Variants in COL1A2 observed in about 807,000 individuals in gnomAD.
The protein encoded by COL1A2 is collagen alpha-2(I) chain.
A neutral mutation model predicts 174.3 loss-of-function variants in COL1A2; 49 were observed. The ratio of observed to expected loss-of-function variants is 0.28; its 90% CI spans 0.22 to 0.36. COL1A2 has a LOEUF of 0.36. COL1A2 is among the 10% of genes least tolerant of loss of function. The probability of loss-of-function intolerance (pLI) is 1.00; values close to 1 mark genes in which losing one functional copy is unlikely to be tolerated. For missense variants in COL1A2, 1,438 were observed against 1,822.7 expected (o/e 0.79, Z 3.84); for synonymous variants, 655 against 606.6 (o/e 1.08, Z -1.17).
chr7:94,395,172 A>C, intron 1 of COL1A2, 71 bp downstream of exon 1: 1 of 1,300,656 alleles, frequency 7.7e-7, no homozygotes, highest in Non-Finnish European at 1.1e-6. Context: ...TGCCCTGAAA[A>C]GGAAAACCTG....
At position 94,429,175 on chromosome 7, in the gene COL1A2, C is replaced by A; in HGVS notation, c.3712-13C>A. 6.2e-7 allele frequency: 1 copy of A among 1,603,420 alleles called. No homozygotes were observed. Among genetic ancestry groups the A allele is most frequent in the South Asian group, 1.1e-5 (1 of 90,630 alleles). On this transcript the variant is annotated splice_polypyrimidine_tract_variant and intron_variant, in intron 50 of 51. Transcript: ENST00000297268. ...TTCTCCACTTAACTGGAATTTCATC[C>A]TATTTTCTGTAGTTTGAATATAATG...
chr7:94,415,821 T>C (rs1792029510), intron 30 of COL1A2, among the ~76,000 whole-genome samples: 1 of 152,176 alleles, frequency 6.6e-6, no homozygotes, highest in Admixed American at 6.5e-5. Flanking sequence ...CGTGGACCTA[T>C]GTGATAAATA....
chr7:94,426,784 A>C (rs753267529), intron 46 of COL1A2: 1 of 627,040 alleles, frequency 1.6e-6, no homozygotes, highest in Non-Finnish European at 2.8e-6. Flanking sequence ...ACTTAAAATA[A>C]ACATAATTAG....
intron 4 of COL1A2, among the ~76,000 whole-genome samples, chr7:94,399,290 G>C (rs145118345): frequency 9.1e-4 from 139 of 152,212 alleles, no homozygotes; most frequent in African/African-American, 3.2e-3. Flanking sequence ...CGTTAAAAAA[G>C]AAAAACTGTT....
At chr7:94,413,856 T>C (rs768748703) in intron 27 of COL1A2, 38 bp from the exon 28 acceptor site, 15 of 1,612,518 alleles carry the variant, frequency 9.3e-6, no homozygotes, top group East Asian at 2.2e-5. Flanking sequence ...AGTGGTGACA[T>C]ACGTTGCTAT....
intron 5 of COL1A2, 141 bp downstream of exon 5, chr7:94,400,429 C>T: frequency 1.2e-6 from 1 of 818,440 alleles, no homozygotes; most frequent in Non-Finnish European, 2.0e-6. Flanking sequence ...GGTTTTTTCA[C>T]TCAAGATTCT....
At chr7:94,399,220 G>A in intron 4 of COL1A2, 136 bp downstream of exon 4, 1 of 731,176 alleles carries the variant, frequency 1.4e-6, no homozygotes, top group South Asian at 1.9e-5. Context: ...GTAATGCACT[G>A]CAGAAGAAGC....
chr7:94,407,366 TG>T (rs1469693454), intron 12 of COL1A2, among the ~76,000 whole-genome samples: 1 of 84,318 alleles, frequency 1.2e-5, no homozygotes, highest in African/African-American at 5.0e-5. Flanking sequence ...ACTACTACCC[TG>T]GTTTTTACTC....
At position 94,424,339 on chromosome 7, in the gene COL1A2, C is replaced by A. The variant is rs150179964; in HGVS notation, c.2569C>A (p.Pro857Thr). The A allele has an allele frequency of 3.3e-5, 54 of 1,613,738 alleles. No individual in the cohort carries two copies. In the East Asian group the frequency reaches 1.2e-3, roughly 36 times the overall value. The change falls in exon 41 of 52, where the codon CCT becomes ACT. Residue 857 changes from proline (P) to threonine (T), a missense_variant. By Grantham distance (38) the Pro-to-Thr change is conservative. Transcript: ENST00000297268. ...TCAGTATTTTTTCTCTATTTAGGGACCTCCTGGCACTCCAGGTCCTCAGGG... is the reference window on the plus strand; with the variant it reads ...TCAGTATTTTTTCTCTATTTAGGGAACTCCTGGCACTCCAGGTCCTCAGGG... ...GPSGEAGTAG[P>T]PGTPGPQGLL...
intron 1 of COL1A2, among the ~76,000 whole-genome samples, chr7:94,396,308 G>A (rs913403904): frequency 9.1e-6 from 1 of 109,396 alleles, no homozygotes; most frequent in African/African-American, 3.6e-5. Flanking sequence ...TAATGCATTT[G>A]TGTGCTTGTG....
chr7:94,398,293 A>G (rs1248873844), intron 2 of COL1A2, 89 bp from the exon 3 acceptor site: 2 of 429,502 alleles, frequency 4.7e-6, no homozygotes, highest in Non-Finnish European at 8.2e-6. Flanking sequence ...TTGTGAAGGT[A>G]TATTTGTATA....
At chr7:94,402,258 C>T (rs2115867793) in intron 6 of COL1A2, among the ~76,000 whole-genome samples, 1 of 152,190 alleles carries the variant, frequency 6.6e-6, no homozygotes, top group Admixed American at 6.5e-5. Context: ...CAGATGCCTT[C>T]AATGGGCCCT....
intron 1 of COL1A2, among the ~76,000 whole-genome samples, chr7:94,397,224 G>A (rs1445750040): frequency 1.3e-5 from 2 of 152,026 alleles, no homozygotes; most frequent in South Asian, 2.1e-4. Context: ...ACTCAATGAA[G>A]TACTAGGTAA....
rs1409128494 is a variant in COL1A2, at chr7:94,427,656, A to C, written c.3297A>C (p.Gly1099=). The C allele has an allele frequency of 1.9e-6, 3 of 1,613,972 alleles. No homozygotes were observed. Among genetic ancestry groups the C allele is most frequent in the Middle Eastern group, 1.7e-4 (1 of 6,060 alleles). ...CCCCTGGTCCCCCTGGCCCTCCTGG[A>C]CCTCCAGGTGTAAGCGGTGGTGGTT... ...AGPPGPPGPP[G]PPGVSGGGYD... is the part of the protein sequence containing the mutation. Residue 1099 remains glycine (G), a synonymous_variant, in exon 49 of 52, where the codon GGA becomes GGC. Coordinates refer to ENST00000297268, the MANE Select transcript of COL1A2 (RefSeq NM_000089.4).
At chr7:94,416,767 GC>G in intron 31 of COL1A2, 1 of 457,268 alleles carries the variant, frequency 2.2e-6, no homozygotes, top group Non-Finnish European at 3.9e-6. Context: ...TTCTCCTCAC[GC>G]TGTTTATGCT....
At chr7:94,429,653 T>G (rs1792360221) in intron 51 of COL1A2, 1 of 524,738 alleles carries the variant, frequency 1.9e-6, no homozygotes, top group African/African-American at 1.9e-5. Context: ...CAGAGTATTC[T>G]TATCAGATAG....
Position 94,410,738 on chromosome 7 carries a change from T to C in COL1A2, c.1198-151T>C, listed in dbSNP as rs41316932. 5,596 of 945,096 alleles carry C rather than the reference T, an allele frequency of 5.9e-3. 206 individuals are homozygous for C. In the African/African-American group the frequency reaches 0.079, roughly 13 times the overall value. The allele number at this position is 945,096 out of a possible 1,614,324, so 58.5% of individuals were successfully genotyped here. The stretch of plus-strand genomic sequence containing the variant: ...GACCTACTTTTGCAGGATGCTCATC[T>C]ATGAATTCCTCTAGGGGTTGGGTGA... On this transcript the variant is annotated intron_variant, in intron 21 of 51. Transcript: ENST00000297268.
At chr7:94,426,896 C>T in intron 46 of COL1A2, 112 bp from the exon 47 acceptor site, 1 of 920,460 alleles carries the variant, frequency 1.1e-6, no homozygotes, top group Non-Finnish European at 1.7e-6. Context: ...TTTCAATTTT[C>T]TCAATCCGGA....
chr7:94,401,561 C>A lies in COL1A2; in HGVS notation c.226-6C>A, dbSNP rs199616511. The A allele has an allele frequency of 1.3e-4, 183 of 1,383,186 alleles. 3 individuals carry two copies. Among genetic ancestry groups the A allele is most frequent in the Non-Finnish European group, 4.4e-5 (46 of 1,055,218 alleles). The allele number at this position is 1,383,186 out of a possible 1,614,324, so 85.7% of individuals were successfully genotyped here. On this transcript the variant is annotated splice_polypyrimidine_tract_variant and splice_region_variant and intron_variant, in intron 5 of 51. Coordinates refer to ENST00000297268, the MANE Select transcript of COL1A2 (RefSeq NM_000089.4). ...TATATATAATTTTTTTTTTTTACTT[C>A]TCTAGAACTTTGCTGCTCAGTATGA...
Sources: gnomAD v4.1 joint callset for allele counts (sites outside exome capture counted in the v4.1 genomes callset) on GRCh38, gnomAD v4.1.1 for gene constraint, MANE v1.5 for transcripts, NCBI Gene and HGNC (gene_info 2026-07-23, HGNC 2026-07-21) for gene names.